Variants in VEPH1 observed in about 807,000 individuals in gnomAD.
VEPH1 encodes the protein ventricular zone expressed PH domain containing 1.
A neutral mutation model predicts 85.2 loss-of-function variants in VEPH1; 80 were observed. That is an observed-to-expected ratio of 0.94 (90% CI 0.78 to 1.13). VEPH1 has a LOEUF of 1.13. VEPH1 is among the 50% of genes most tolerant of loss of function. VEPH1 has a pLI of 0.00. For synonymous variants in VEPH1, 297 were observed against 348.0 expected, an observed-to-expected ratio of 0.85 and a Z score of 1.63; for missense variants, 955 against 980.5, an observed-to-expected ratio of 0.97 and a Z score of 0.35.
intron 12 of VEPH1, among the ~76,000 whole-genome samples, chr3:157,272,151 C>G (rs1002226803): frequency 6.6e-6 from 1 of 151,932 alleles, no homozygotes; most frequent in African/African-American, 2.4e-5. Flanking sequence ...GCAAAATCGC[C>G]CTTGTTTGAA....
Position 157,428,477 on chromosome 3 carries a change from A to C in VEPH1, c.541T>G (p.Leu181Val), listed in dbSNP as rs1237587052. The change falls in exon 5 of 14, where the codon TTG becomes GTG. Residue 181 changes from leucine (L) to valine (V), a missense_variant. By Grantham distance (32) the Leu-to-Val change is conservative. Coordinates refer to ENST00000362010, the MANE Select transcript of VEPH1 (RefSeq NM_001167912.2). The stretch of plus-strand genomic sequence containing the variant: ...TACACAGCAGGTAACACTCTCAACA[A>C]CATGGTGTTACCTGTTGAGGGAACA... The part of the protein sequence containing the change: ...VKSILQGNTM[L>V]LRVLPAVYEK... The C allele has an allele frequency of 1.9e-6, 3 of 1,613,662 alleles. No homozygotes were observed. The highest frequency in any genetic ancestry group is 1.7e-6 in the Non-Finnish European group (2 of 1,179,912).
intron 4 of VEPH1, among the ~76,000 whole-genome samples, chr3:157,432,974 C>A (rs1264706468): frequency 6.6e-6 from 1 of 152,038 alleles, no homozygotes; most frequent in Non-Finnish European, 1.5e-5. Context: ...TTAGGTATCC[C>A]ATAGCTATTT....
At chr3:157,298,710 C>T (rs1276768624) in intron 11 of VEPH1, among the ~76,000 whole-genome samples, 2 of 151,410 alleles carry the variant, frequency 1.3e-5, no homozygotes, top group African/African-American at 2.4e-5. Flanking sequence ...AGGCATCAAA[C>T]CAAAAATTAT....
At chr3:157,389,644 TAGATA>T (rs969264305) in intron 6 of VEPH1, among the ~76,000 whole-genome samples, 6 of 132,416 alleles carry the variant, frequency 4.5e-5, no homozygotes, top group Admixed American at 1.4e-4. Context: ...GATAGATAGA[TAGATA>T]GATAGATAGA....
intron 9 of VEPH1, among the ~76,000 whole-genome samples, chr3:157,328,070 C>T (rs774849010): frequency 5.9e-5 from 9 of 152,162 alleles, no homozygotes; most frequent in African/African-American, 9.7e-5. Context: ...ATTGGGAACA[C>T]TAATAAGAGC....
chr3:157,439,236 A>C (rs1733918771), intron 4 of VEPH1, among the ~76,000 whole-genome samples: 1 of 152,226 alleles, frequency 6.6e-6, no homozygotes, highest in Non-Finnish European at 1.5e-5. Context: ...AATGCACCTG[A>C]AAAACCGAAG....
intron 12 of VEPH1, chr3:157,286,317 C>G (rs972259458): frequency 1.9e-5 from 9 of 472,660 alleles, no homozygotes; most frequent in Non-Finnish European, 3.5e-5. Context: ...ATGGCTGATA[C>G]TGCTTCCTTG....
At chr3:157,384,953 C>G (rs184253717) in intron 6 of VEPH1, among the ~76,000 whole-genome samples, 3 of 152,294 alleles carry the variant, frequency 2.0e-5, no homozygotes, top group Admixed American at 6.5e-5. Flanking sequence ...GACCTTATCC[C>G]TGCTGACACA....
chr3:157,340,429 C>T (rs1274623414), intron 9 of VEPH1, among the ~76,000 whole-genome samples: 2 of 152,178 alleles, frequency 1.3e-5, no homozygotes, highest in Admixed American at 6.5e-5. Context: ...TCATTGCTAG[C>T]ACAGCAGTCT....
intron 11 of VEPH1, among the ~76,000 whole-genome samples, chr3:157,294,315 A>G (rs1056803659): frequency 3.9e-5 from 6 of 152,154 alleles, no homozygotes; most frequent in Admixed American, 2.0e-4. Context: ...TTTTATAAGT[A>G]TTCACCTTTT....
At chr3:157,499,334 A>G (rs1739922451) in intron 1 of VEPH1, 1 of 150,266 alleles carries the variant, frequency 6.7e-6, no homozygotes, top group Non-Finnish European at 1.5e-5. Flanking sequence ...AACAGAAATG[A>G]TGGCGCAAAA....
At chr3:157,301,589 G>T (rs866655399) in intron 11 of VEPH1, among the ~76,000 whole-genome samples, 1 of 151,890 alleles carries the variant, frequency 6.6e-6, no homozygotes, top group East Asian at 1.9e-4. Flanking sequence ...ACTTCTGTTC[G>T]TACCTTGCCC....
Position 157,430,413 on chromosome 3 carries a change from C to T in VEPH1, c.530-1925G>A, listed in dbSNP as rs563186036. Among the ~76,000 whole-genome samples the T allele has an allele frequency of 1.7e-4, 26 of 152,322 alleles. No homozygotes were observed. The South Asian group carries it at 5.2e-3, about 30-fold the overall frequency. On this transcript the variant is annotated intron_variant, in intron 4 of 13. Transcript: ENST00000362010. ...CAAGAAGCTCTCCTTCATTTACTCTCACAGCCATGTGTTATTCCAGTGTAT... is the reference window on the plus strand; with the variant it reads ...CAAGAAGCTCTCCTTCATTTACTCTTACAGCCATGTGTTATTCCAGTGTAT...
intron 2 of VEPH1, among the ~76,000 whole-genome samples, chr3:157,484,119 A>G (rs1238359013): frequency 6.6e-6 from 1 of 152,194 alleles, no homozygotes; most frequent in East Asian, 1.9e-4. Flanking sequence ...AGAAATAGCA[A>G]TTAAAATGAC....
intron 11 of VEPH1, among the ~76,000 whole-genome samples, chr3:157,289,919 G>A (rs538539076): frequency 6.6e-6 from 1 of 152,184 alleles, no homozygotes; most frequent in Non-Finnish European, 1.5e-5. Flanking sequence ...TTCACCTTGT[G>A]GTGTTCATCT....
chr3:157,311,240 C>T (rs1001102521), intron 11 of VEPH1, among the ~76,000 whole-genome samples: 2 of 152,186 alleles, frequency 1.3e-5, no homozygotes, highest in African/African-American at 4.8e-5. Context: ...ACAAACTTCT[C>T]TTCATATTGT....
intron 4 of VEPH1, chr3:157,437,003 G>C: frequency 1.2e-6 from 2 of 1,613,990 alleles, no homozygotes; most frequent in Non-Finnish European, 1.7e-6. Context: ...GGATGATTAT[G>C]ATCTCATGTA....
chr3:157,495,990 C>T (rs75457041), intron 1 of VEPH1, among the ~76,000 whole-genome samples: 10 of 152,306 alleles, frequency 6.6e-5, no homozygotes, highest in East Asian at 1.9e-4. Context: ...TGCCTTGCTA[C>T]GCTAGCAGTA....
chr3:157,286,072 G>A (rs1360149257), intron 12 of VEPH1: 1 of 154,100 alleles, frequency 6.5e-6, no homozygotes, highest in Admixed American at 6.4e-5. Context: ...AGTGGAAGGC[G>A]AATAACCAGC....
Sources: allele counts gnomAD v4.1 joint callset (sites outside exome capture counted in the v4.1 genomes callset), GRCh38; gene constraint gnomAD v4.1.1; transcripts MANE v1.5; gene names NCBI Gene and HGNC (gene_info 2026-07-23, HGNC 2026-07-21).